The following FFAR4 variants were observed in gnomAD, a reference collection of about 807,000 sequenced individuals.
FFAR4 encodes G-protein coupled receptor 120.
FFAR4 carries 19 observed loss-of-function variants against 27.0 expected under a neutral mutation model. The observed-to-expected ratio is 0.70, with a 90% CI of 0.49 to 1.03. The LOEUF (loss-of-function observed/expected upper bound fraction) is 1.03. Ranked by LOEUF, FFAR4 falls within the 50% of genes least tolerant of loss-of-function variation. The pLI is 0.00. For synonymous variants in FFAR4, 254 were observed against 215.6 expected, an observed-to-expected ratio of 1.18 and a Z score of -1.56; for missense variants, 476 against 479.0, an observed-to-expected ratio of 0.99 and a Z score of 0.06.
chr10:93,587,525 T>C lies in FFAR4; in HGVS notation c.1002T>C (p.Phe334=), dbSNP rs564960742. The part of the protein sequence containing the change: ...TLCRNEWKKI[F]CCFWFPEKGA... ...GCAGGAATGAGTGGAAGAAAATTTTTTGCTGCTTCTGGTTCCCAGAAAAGG... is the reference window on the plus strand; with the variant it reads ...GCAGGAATGAGTGGAAGAAAATTTTCTGCTGCTTCTGGTTCCCAGAAAAGG... The change falls in exon 3 of 3, where the codon TTT becomes TTC. Residue 334 remains phenylalanine (F), a synonymous_variant. Coordinates refer to ENST00000371481, the MANE Select transcript of FFAR4 (RefSeq NM_001195755.2). The C allele has an allele frequency of 2.2e-5, 35 of 1,614,130 alleles. 1 individual carries two copies. The South Asian group carries it at 2.6e-4, about 12-fold the overall frequency.
At chr10:93,569,579 A>C (rs1445189169) in intron 1 of FFAR4, among the ~76,000 whole-genome samples, 1 of 152,096 alleles carries the variant, frequency 6.6e-6, no homozygotes, top group Non-Finnish European at 1.5e-5. Context: ...CTGGGCACAC[A>C]GACCTCCTTT....
chr10:93,576,223 T>G lies in FFAR4; in HGVS notation c.696+4T>G. On this transcript the variant is annotated splice_donor_region_variant and intron_variant, in intron 2 of 2. Transcript: ENST00000371481. The stretch of plus-strand genomic sequence containing the variant: ...CAGTTACTCCAAAATTTTACAGGTA[T>G]GTTTTCTGCAAGTGCTGCCACTGAA... 1 of 1,613,996 alleles carries G rather than the reference T, an allele frequency of 6.2e-7. No homozygotes were observed. The highest frequency in any genetic ancestry group is 1.3e-5 in the African/African-American group (1 of 75,030).
intron 1 of FFAR4, among the ~76,000 whole-genome samples, chr10:93,571,716 G>A (rs1050777568): frequency 4.6e-5 from 7 of 152,250 alleles, no homozygotes; most frequent in Non-Finnish European, 7.3e-5. Context: ...AAGAAAGGAA[G>A]CATCTCTTGC....
At chr10:93,576,927 A>C (rs2058167655) in intron 2 of FFAR4, among the ~76,000 whole-genome samples, 1 of 152,162 alleles carries the variant, frequency 6.6e-6, no homozygotes, top group Admixed American at 6.6e-5. Context: ...TGTAGGCTCA[A>C]ACTGAGTGCA....
rs57611694 is a variant in FFAR4 at position 93,587,744 on chromosome 10, G to A, written c.*135G>A. ...TATGCAAATAGACATCCACAGCGTC[G>A]GTAAATTAAGGGGTGATCACCAAGT... On this transcript the variant is annotated 3_prime_UTR_variant, in exon 3 of 3. Coordinates refer to ENST00000371481, the MANE Select transcript of FFAR4 (RefSeq NM_001195755.2). The A allele has an allele frequency of 8.0e-3, 6,581 of 819,318 alleles. 331 individuals carry two copies. The African/African-American group carries it at 0.098, about 12-fold the overall frequency. 50.8% of individuals were successfully genotyped at this position (819,318 alleles called of 1,614,324 possible).
In FFAR4 at chr10:93,571,309, C is replaced by A. The variant is rs539456830; in HGVS notation, c.567+4022C>A. ...ATTCATTCTGCAAACATTTACTAAGCACCCTTCCCCTCTTGCCCCTGCCAC... is the reference window on the plus strand; with the variant it reads ...ATTCATTCTGCAAACATTTACTAAGAACCCTTCCCCTCTTGCCCCTGCCAC... On this transcript the variant is annotated intron_variant, in intron 1 of 2. Transcript: ENST00000371481. Among the ~76,000 whole-genome samples, 3 of 152,310 alleles carry A rather than the reference C, an allele frequency of 2.0e-5. No homozygotes were observed. The South Asian group carries it at 6.2e-4, about 32-fold the overall frequency.
chr10:93,571,022 T>C (rs2058128847), intron 1 of FFAR4, among the ~76,000 whole-genome samples: 1 of 152,244 alleles, frequency 6.6e-6, no homozygotes, highest in African/African-American at 2.4e-5. Context: ...CACATAAGAA[T>C]TGCTAGCTAT....
Position 93,576,195 on chromosome 10 carries a change from G to C in FFAR4, c.672G>C (p.Val224=), listed in dbSNP as rs576078932. The C allele has an allele frequency of 8.2e-5, 133 of 1,613,962 alleles. No homozygotes were observed. Among genetic ancestry groups the C allele is most frequent in the Non-Finnish European group, 1.1e-4 (127 of 1,179,972 alleles). Residue 224 remains valine, a synonymous_variant, in exon 2 of 3, where the codon GTG becomes GTC. Coordinates refer to ENST00000371481, the MANE Select transcript of FFAR4 (RefSeq NM_001195755.2). The part of the protein sequence containing the change: ...LNFLVPGLVI[V]ISYSKILQIT... Reference sequence around the variant, plus strand: ...TCTTGGTGCCAGGACTGGTCATTGTGATCAGTTACTCCAAAATTTTACAGG... The same window carrying C: ...TCTTGGTGCCAGGACTGGTCATTGTCATCAGTTACTCCAAAATTTTACAGG...
intron 2 of FFAR4, among the ~76,000 whole-genome samples, chr10:93,578,469 G>GAC (rs1431314183): frequency 1.5e-5 from 2 of 137,566 alleles, no homozygotes; most frequent in East Asian, 2.1e-4. Context: ...CATGAAGACA[G>GAC]ACACAGAGAC....
intron 2 of FFAR4, among the ~76,000 whole-genome samples, chr10:93,581,811 G>A (rs1462786472): frequency 6.6e-6 from 1 of 152,084 alleles, no homozygotes; most frequent in Non-Finnish European, 1.5e-5. Context: ...TCATGTACTC[G>A]GTGGCCGTGG....
intron 1 of FFAR4, among the ~76,000 whole-genome samples, chr10:93,571,652 A>C (rs1661054282): frequency 6.6e-6 from 1 of 152,214 alleles, no homozygotes; most frequent in Admixed American, 6.5e-5. Flanking sequence ...TTGTCTGAGG[A>C]AACAAACACA....
intron 1 of FFAR4, among the ~76,000 whole-genome samples, chr10:93,571,434 T>G (rs764486772): frequency 5.9e-5 from 9 of 152,198 alleles, no homozygotes; most frequent in Non-Finnish European, 1.3e-4. Flanking sequence ...CCCCATATTC[T>G]TTTGTTTATT....
intron 2 of FFAR4, among the ~76,000 whole-genome samples, chr10:93,586,637 T>C (rs1196083837): frequency 3.3e-5 from 5 of 152,144 alleles, no homozygotes; most frequent in African/African-American, 1.2e-4. Flanking sequence ...CCGAGCACCA[T>C]GATATACTGC....
rs965614940 is a variant in FFAR4 at position 93,589,211 on chromosome 10, G to A, written c.*1602G>A. 1 of 152,282 alleles carries A rather than the reference G, an allele frequency of 6.6e-6. No homozygotes were observed. Among genetic ancestry groups the A allele is most frequent in the East Asian group, 1.9e-4 (1 of 5,188 alleles). 9.4% of individuals were successfully genotyped at this position (152,282 alleles called of 1,614,324 possible). A position where few individuals can be genotyped will look rare whatever the true frequency, so the allele number is the denominator to read the frequency against. ...AGAAATTGCAGGGTTAGATCACATA[G>A]GGCCTAGGAGTTTATTCTGTTCTCC... On this transcript the variant is annotated 3_prime_UTR_variant, in exon 3 of 3. Transcript: ENST00000371481.
At chr10:93,579,893 A>T (rs2058188407) in intron 2 of FFAR4, among the ~76,000 whole-genome samples, 1 of 152,250 alleles carries the variant, frequency 6.6e-6, no homozygotes, top group Non-Finnish European at 1.5e-5. Flanking sequence ...GCAGGAGCCA[A>T]ATATGCCTCA....
rs939173202 is a variant in FFAR4, at chr10:93,578,154, C to T, written c.696+1935C>T. On this transcript the variant is annotated intron_variant, in intron 2 of 2. Coordinates refer to ENST00000371481, the MANE Select transcript of FFAR4 (RefSeq NM_001195755.2). ...AGAGCAGGCCAGGTGTGGTAGCTCA[C>T]GCCTGTAATCCTAGCACTTTGGGAG... 2.6e-5 allele frequency among the ~76,000 whole-genome samples: 4 copies of T among 152,164 alleles called. 1 individual carries two copies. Among genetic ancestry groups the T allele is most frequent in the Middle Eastern group, 6.8e-3 (2 of 292 alleles).
chr10:93,583,583 A>G (rs1174333399), intron 2 of FFAR4, among the ~76,000 whole-genome samples: 1 of 152,160 alleles, frequency 6.6e-6, no homozygotes, highest in Non-Finnish European at 1.5e-5. Flanking sequence ...CCTGGGCAGA[A>G]GGATTCCCAT....
chr10:93,587,441 G>GGT lies in FFAR4; in HGVS notation c.920_921dup (p.Ala308TrpfsTer10). On this transcript the variant is annotated frameshift_variant, in exon 3 of 3. Transcript: ENST00000371481. LOFTEE classifies it high-confidence loss of function. ...TCTGGCCGTCCCTCTTCTTCTGGGT[G>GGT]GTGGCCTTCACATTTGCTAATTCAG... is the stretch of plus-strand genomic sequence containing the variant. The GGT allele has an allele frequency of 6.2e-7, 1 of 1,614,042 alleles. No individual in the cohort carries two copies.
Position 93,587,748 on chromosome 10 carries a change from A to G in FFAR4, c.*139A>G, listed in dbSNP as rs1458218839. 2 of 809,052 alleles carry G rather than the reference A, an allele frequency of 2.5e-6. No homozygotes were observed. The highest frequency in any genetic ancestry group is 1.7e-5 in the African/African-American group (1 of 58,206). The allele number at this position is 809,052 out of a possible 1,614,324, so 50.1% of individuals were successfully genotyped here. Reference sequence around the variant, plus strand: ...CAAATAGACATCCACAGCGTCGGTAAATTAAGGGGTGATCACCAAGTTTCA... The same window carrying G: ...CAAATAGACATCCACAGCGTCGGTAGATTAAGGGGTGATCACCAAGTTTCA... On this transcript the variant is annotated 3_prime_UTR_variant, in exon 3 of 3. Coordinates refer to ENST00000371481, the MANE Select transcript of FFAR4 (RefSeq NM_001195755.2).
Sources: allele counts gnomAD v4.1 joint callset (sites outside exome capture counted in the v4.1 genomes callset), GRCh38; gene constraint gnomAD v4.1.1; transcripts MANE v1.5; gene names NCBI Gene and HGNC (gene_info 2026-07-23, HGNC 2026-07-21).